Variants in DNAH8 observed in about 807,000 individuals in gnomAD.
DNAH8 encodes the protein axonemal beta dynein heavy chain 8.
In DNAH8, 382 loss-of-function variants were observed where a neutral mutation model predicts 562.1. That is an observed-to-expected ratio of 0.68 (90% CI 0.63 to 0.74). DNAH8 has a LOEUF of 0.74. DNAH8 is among the 30% of genes least tolerant of loss of function. DNAH8 has a pLI of 0.00. For missense variants in DNAH8, 5,203 were observed against 5,620.4 expected, an observed-to-expected ratio of 0.93 and a Z score of 2.37; for synonymous variants, 1,881 against 1,919.4, an observed-to-expected ratio of 0.98 and a Z score of 0.52.
Position 38,790,318 on chromosome 6 carries a change from A to C in DNAH8, c.2694A>C (p.Thr898=). The part of the protein sequence containing the change: ...KVESVLRQGL[T]VLTWSSLTLE... ...AATCTGTGTTGAGGCAAGGACTCAC[A>C]GTGTTAACATGGTCGTCTTTAACAC... The change falls in exon 20 of 93, where the codon ACA becomes ACC. Residue 898 remains threonine (T), a synonymous_variant. Transcript: ENST00000327475. The C allele has an allele frequency of 6.2e-7, 1 of 1,608,400 alleles. No homozygotes were observed. The highest frequency in any genetic ancestry group is 8.5e-7 in the Non-Finnish European group (1 of 1,177,834).
chr6:38,904,792 C>CAAAAA (rs759782655), intron 62 of DNAH8, among the ~76,000 whole-genome samples: 50 of 85,522 alleles, frequency 5.8e-4, no homozygotes, highest in East Asian at 9.6e-4. Context: ...AACTCCGTCT[C>CAAAAA]AAAAAAAAAA....
At chr6:38,737,436 T>C (rs1483228614) in intron 6 of DNAH8, among the ~76,000 whole-genome samples, 180 bp downstream of exon 6, 1 of 152,068 alleles carries the variant, frequency 6.6e-6, no homozygotes, top group Non-Finnish European at 1.5e-5. Context: ...GAGTAAGATA[T>C]ATTTTCTTTT....
At chr6:38,872,419 G>T in intron 49 of DNAH8, 117 bp from the exon 50 acceptor site, 1 of 1,123,334 alleles carries the variant, frequency 8.9e-7, no homozygotes, top group Non-Finnish European at 1.3e-6. Context: ...CTTAAAAATA[G>T]TGAACTAGTT....
intron 53 of DNAH8, among the ~76,000 whole-genome samples, chr6:38,882,391 T>C (rs1225901270): frequency 2.0e-5 from 3 of 152,202 alleles, no homozygotes; most frequent in Admixed American, 1.3e-4. Flanking sequence ...ATAAAAAATA[T>C]GAGATTATGT....
intron 79 of DNAH8, among the ~76,000 whole-genome samples, chr6:38,939,895 T>C (rs747766386): frequency 6.6e-6 from 1 of 152,134 alleles, no homozygotes; most frequent in African/African-American, 2.4e-5. Context: ...CATGCTGAAA[T>C]GGAACAGCAT....
At chr6:39,014,486 A>G (rs1023158424) in intron 91 of DNAH8, among the ~76,000 whole-genome samples, 4 of 152,146 alleles carry the variant, frequency 2.6e-5, no homozygotes, top group Admixed American at 6.6e-5. Flanking sequence ...GAGAGATTTG[A>G]GACTTGGTTC....
In DNAH8 at chr6:38,872,713, A is replaced by G. The variant is rs1777564015; in HGVS notation, c.7168A>G (p.Thr2390Ala). Reference protein sequence around the residue: ...TAPQMFGRLDTATNDWTDGIF... With the variant: ...TAPQMFGRLDAATNDWTDGIF... ...ACCTCAGATGTTTGGCAGACTGGAC[A>G]CTGCTACCAATGACTGGACAGATGG... Residue 2390 changes from threonine (T) to alanine (A), a missense_variant, in exon 50 of 93, where the codon ACT becomes GCT. Physicochemically the swap from Thr to Ala is moderately conservative, Grantham distance 58. Coordinates refer to ENST00000327475, the MANE Select transcript of DNAH8 (RefSeq NM_001206927.2). 6.2e-7 allele frequency: 1 copy of G among 1,614,002 alleles called. No individual in the cohort carries two copies.
At chr6:38,774,511 G>T (rs536035630) in intron 12 of DNAH8, among the ~76,000 whole-genome samples, 1 of 152,258 alleles carries the variant, frequency 6.6e-6, no homozygotes, top group East Asian at 1.9e-4. Flanking sequence ...TGCTCTGTGT[G>T]GTATGGGGAC....
chr6:38,978,285 G>C (rs1375112550), intron 85 of DNAH8, among the ~76,000 whole-genome samples: 1 of 152,092 alleles, frequency 6.6e-6, no homozygotes, highest in Non-Finnish European at 1.5e-5. Context: ...AATAAAAGGG[G>C]CCCTATCAAT....
chr6:38,930,409 T>C (rs1159151567), intron 75 of DNAH8, among the ~76,000 whole-genome samples: 1 of 150,594 alleles, frequency 6.6e-6, no homozygotes, highest in Admixed American at 6.6e-5. Context: ...AATGAATATT[T>C]TCTCATTAAA....
rs144782411 is a variant in DNAH8, at chr6:38,859,146, G to T, written c.5959-1311G>T. 8.3e-3 allele frequency among the ~76,000 whole-genome samples: 1,266 copies of T among 152,264 alleles called. 8 individuals carry two copies. The highest frequency in any genetic ancestry group is 0.012 in the Non-Finnish European group (833 of 68,008). ...ATTAGAACAACCTGATATACAGCAA[G>T]AACTCAATAAATATATTAACTATTC... On this transcript the variant is annotated intron_variant, in intron 42 of 92. Coordinates refer to ENST00000327475, the MANE Select transcript of DNAH8 (RefSeq NM_001206927.2).
chr6:38,845,866 T>A, intron 36 of DNAH8, 93 bp downstream of exon 36: 1 of 1,048,182 alleles, frequency 9.5e-7, no homozygotes, highest in Non-Finnish European at 1.4e-6. Context: ...TTTCATTGGA[T>A]GGATTCTGCA....
In DNAH8 at chr6:38,826,350, G is replaced by T. The variant is rs1351726990; in HGVS notation, c.4042G>T (p.Asp1348Tyr). The change falls in exon 29 of 93, where the codon GAT becomes TAT. Residue 1348 changes from aspartate to tyrosine, a missense_variant. Around this residue, in one of 6 missense-constraint regions of DNAH8, gnomAD observed 2,176 missense variants for 2,365.1 expected, o/e 0.92. Transcript: ENST00000327475. ...FAMEALSCIR[D>Y]NEIQMDMTLG... Reference sequence around the variant, plus strand: ...AATGGAAGCCTTGTCTTGCATACGTGATAATGAAATTCAAATGGACATGAC... The same window carrying T: ...AATGGAAGCCTTGTCTTGCATACGTTATAATGAAATTCAAATGGACATGAC... 6 of 1,611,984 alleles carry T rather than the reference G, an allele frequency of 3.7e-6. No homozygotes were observed. Among genetic ancestry groups the T allele is most frequent in the South Asian group, 1.1e-5 (1 of 90,380 alleles).
intron 12 of DNAH8, among the ~76,000 whole-genome samples, chr6:38,772,030 T>TG (rs149132015): frequency 1.9e-5 from 1 of 51,778 alleles, no homozygotes; most frequent in Non-Finnish European, 4.2e-5. Context: ...TTATGATTTC[T>TG]TTTTTTTTTT....
intron 9 of DNAH8, among the ~76,000 whole-genome samples, chr6:38,751,215 C>T (rs2127595735): frequency 6.6e-6 from 1 of 152,320 alleles, no homozygotes; most frequent in South Asian, 2.1e-4. Context: ...TGGAAGGCCC[C>T]AGTCCCTTGC....
intron 82 of DNAH8, among the ~76,000 whole-genome samples, chr6:38,960,068 G>A (rs983341997): frequency 1.3e-5 from 2 of 152,034 alleles, no homozygotes; most frequent in African/African-American, 4.8e-5. Context: ...ATTATATGCA[G>A]AATAATGAAA....
intron 41 of DNAH8, among the ~76,000 whole-genome samples, chr6:38,853,579 C>T (rs1355360127): frequency 2.6e-5 from 4 of 152,068 alleles, no homozygotes; most frequent in African/African-American, 9.7e-5. Flanking sequence ...ATTTTCCCAT[C>T]ATGAAGGATA....
At chr6:38,966,714 A>T (rs760093665) in intron 82 of DNAH8, among the ~76,000 whole-genome samples, 1 of 152,228 alleles carries the variant, frequency 6.6e-6, no homozygotes, top group Non-Finnish European at 1.5e-5. Context: ...TATTAATAGA[A>T]TAATAGACAA....
In DNAH8 at chr6:38,734,314, A is replaced by G. The variant is rs558918343; in HGVS notation, c.611-160A>G. 8.3e-5 allele frequency among the ~76,000 whole-genome samples: 8 copies of G among 96,922 alleles called. No individual in the cohort carries two copies. The South Asian group carries it at 3.0e-3, about 36-fold the overall frequency. 63.6% of individuals were successfully genotyped at this position (96,922 alleles called of 152,430 possible). ...AAAAAAAAAAGATGTAATTATTGGC[A>G]TCTTCTAGTAGACCCCCCCCCAAAA... On this transcript the variant is annotated intron_variant, in intron 4 of 92. Transcript: ENST00000327475.
Sources: allele counts gnomAD v4.1 joint callset (sites outside exome capture counted in the v4.1 genomes callset), GRCh38; gene constraint gnomAD v4.1.1; regional missense constraint gnomAD v4.1.1; transcripts MANE v1.5; gene names NCBI Gene and HGNC (gene_info 2026-07-23, HGNC 2026-07-21).